Variants in UNC93B1 observed in about 807,000 individuals in gnomAD.
UNC93B1 encodes unc-93B1 regulator of TLR signaling, also known as protein unc-93 homolog B1.
In UNC93B1, 33 loss-of-function variants were observed where a neutral mutation model predicts 56.8. The ratio of observed to expected loss-of-function variants is 0.58; its 90% confidence interval spans 0.44 to 0.78. UNC93B1 has a LOEUF of 0.78. Ranked by LOEUF, UNC93B1 falls within the 30% of genes least tolerant of loss-of-function variation. The pLI, the probability that UNC93B1 is intolerant of heterozygous loss-of-function variation, is 0.00. For synonymous variants in UNC93B1, 334 were observed against 358.6 expected (o/e 0.93, Z 0.77); for missense variants, 673 against 819.5 (o/e 0.82, Z 2.18).
Position 67,998,244 on chromosome 11 carries a change from C to T in UNC93B1, c.781+115G>A, listed in dbSNP as rs1007155665. On this transcript the variant is annotated intron_variant, in intron 6 of 10. Coordinates refer to ENST00000227471, the MANE Select transcript of UNC93B1 (RefSeq NM_030930.4). ...CTACAGGGCCCTGTGTCTTGCCCAC[C>T]AGAGCCGTGGGGCACTGGGCTGCCA... 3.4e-5 allele frequency: 42 copies of T among 1,248,048 alleles called. 3 individuals carry two copies. In the African/African-American group the frequency reaches 4.6e-4, roughly 14 times the overall value. The allele number at this position is 1,248,048 out of a possible 1,614,324, so 77.3% of individuals were successfully genotyped here. A position where few individuals can be genotyped will look rare whatever the true frequency, so the allele number is the denominator to read the frequency against.
chr11:68,003,620 C>G lies in UNC93B1; in HGVS notation c.238+37G>C, dbSNP rs1590764533. 5.3e-6 allele frequency: 8 copies of G among 1,496,834 alleles called. 1 individual carries two copies. In the East Asian group the frequency reaches 2.2e-4, roughly 41 times the overall value. 92.7% of individuals were successfully genotyped at this position (1,496,834 alleles called of 1,614,324 possible). A position where few individuals can be genotyped will look rare whatever the true frequency, so the allele number is the denominator to read the frequency against. Reference sequence around the variant, plus strand: ...TCTGTTTCCCGGGCCGGGCTGGGAGCGGGCGGGGCGGCCCCGGGTCCCCGA... The same window carrying G: ...TCTGTTTCCCGGGCCGGGCTGGGAGGGGGCGGGGCGGCCCCGGGTCCCCGA... On this transcript the variant is annotated intron_variant, in intron 2 of 10. Coordinates refer to ENST00000227471, the MANE Select transcript of UNC93B1 (RefSeq NM_030930.4). This position sits in a 1 kb window ranked among gnomAD's most constrained non-coding sequence, Gnocchi z 4.4.
intron 10 of UNC93B1, among the ~76,000 whole-genome samples, chr11:67,992,670 T>G (rs1406846368): frequency 6.7e-6 from 1 of 148,858 alleles, no homozygotes; most frequent in Non-Finnish European, 1.5e-5. Context: ...TTTTTCCTTT[T>G]TTTTTTTTTT....
At chr11:68,002,928 A>T (rs541854589) in intron 3 of UNC93B1, 94 bp downstream of exon 3, 3 of 1,448,764 alleles carry the variant, frequency 2.1e-6, no homozygotes, top group East Asian at 2.8e-5. Context: ...CGCCCCACAA[A>T]CACCCCGGCA....
At position 67,997,741 on chromosome 11, in the gene UNC93B1, C is replaced by T; in HGVS notation, c.840G>A (p.Pro280=). 1 of 1,610,014 alleles carries T rather than the reference C, an allele frequency of 6.2e-7. No homozygotes were observed. The highest frequency in any genetic ancestry group is 8.5e-7 in the Non-Finnish European group (1 of 1,179,858). The change falls in exon 7 of 11, where the codon CCG becomes CCA. Residue 280 remains proline (P), a synonymous_variant. Transcript: ENST00000227471. The stretch of plus-strand genomic sequence containing the variant: ...CCACCACAATGAGGTTTCCGCTCCG[C>T]GGGAGCGTCCGCAGAACCGTCTTGT... ...GFNKTVLRTL[P]RSGNLIVVES...
chr11:67,999,102 T>A, intron 5 of UNC93B1, 71 bp downstream of exon 5: 3 of 1,596,856 alleles, frequency 1.9e-6, no homozygotes. Context: ...GACTAGAGGG[T>A]TGAGACTGTG....
chr11:67,995,827 T>C lies in UNC93B1; in HGVS notation c.1147A>G (p.Ser383Gly), dbSNP rs1444575380. Reference sequence around the variant, plus strand: ...AGTGAGGCGGCTGAGGCGCCCAGGCTGTAAGCCACGAGGAGGTAAGCCAGC... The same window carrying C: ...AGTGAGGCGGCTGAGGCGCCCAGGCCGTAAGCCACGAGGAGGTAAGCCAGC... ...ERLAYLLVAY[S>G]LGASAASLLG... is the part of the protein sequence containing the mutation. Residue 383 changes from serine to glycine, a missense_variant, in exon 9 of 11, where the codon AGC (serine) becomes GGC (glycine). Ser to Gly is a moderately conservative substitution (Grantham distance 56). Around this residue, in one of 3 missense-constraint regions of UNC93B1, gnomAD observed 155 missense variants for 268.3 expected, o/e 0.58. Coordinates refer to ENST00000227471, the MANE Select transcript of UNC93B1 (RefSeq NM_030930.4). 6.5e-7 allele frequency: 1 copy of C among 1,544,366 alleles called. No homozygotes were observed. Among genetic ancestry groups the C allele is most frequent in the Admixed American group, 2.0e-5 (1 of 50,832 alleles).
chr11:67,998,240 C>T, intron 6 of UNC93B1, 119 bp downstream of exon 6: 1 of 1,192,342 alleles, frequency 8.4e-7, no homozygotes, highest in Non-Finnish European at 1.2e-6. Context: ...TGTGTCTTGC[C>T]CACCAGAGCC....
rs758434326 is a variant in UNC93B1 at position 67,998,369 on chromosome 11, C to T, written c.771G>A (p.Val257=). Residue 257 remains valine, a synonymous_variant, in exon 6 of 11, where the codon GTG becomes GTA. Coordinates refer to ENST00000227471, the MANE Select transcript of UNC93B1 (RefSeq NM_030930.4). ...CCAACAAGGACTAACCGCAGCTCTG[C>T]ACATTGTACAGCGTGTGGTTCAGGT... ...LYDLNHTLYN[V]QSCGTNSHGI... The T allele has an allele frequency of 2.4e-5, 39 of 1,613,846 alleles. No individual in the cohort carries two copies. In the South Asian group the frequency reaches 3.8e-4, roughly 16 times the overall value.
chr11:67,997,933 T>A (rs545846894), intron 6 of UNC93B1, 134 bp from the exon 7 acceptor site: 1 of 1,356,838 alleles, frequency 7.4e-7, no homozygotes, highest in East Asian at 2.5e-5. Flanking sequence ...CAGAGTTCCT[T>A]CAGAGAGCAG....
Position 67,999,195 on chromosome 11 carries a change from G to C in UNC93B1, c.665C>G (p.Ala222Gly), listed in dbSNP as rs751449631. 30 of 1,613,840 alleles carry C rather than the reference G, an allele frequency of 1.9e-5. No homozygotes were observed. The highest frequency in any genetic ancestry group is 2.5e-5 in the Non-Finnish European group (30 of 1,179,898). ...SHAPYLLVFQ[A>G]IFYSFFHLSF... ...CACATGGAAGAAGCTGTAGAAGATG[G>C]CTTGGAAGACCAGGAGATAGGGCGC... The change falls in exon 5 of 11, where the codon GCC (alanine) becomes GGC (glycine). Residue 222 changes from alanine (A) to glycine (G), a missense_variant. By Grantham distance (60) the Ala-to-Gly change is moderately conservative. Transcript: ENST00000227471.
chr11:67,996,776 A>C lies in UNC93B1; in HGVS notation c.915T>G (p.Gly305=). The C allele has an allele frequency of 1.3e-6, 2 of 1,553,958 alleles. No individual in the cohort carries two copies. Among genetic ancestry groups the C allele is most frequent in the Non-Finnish European group, 1.7e-6 (2 of 1,146,812 alleles). ...VAFLAMLLVL[G]LCGAAYRPTE... ...TGGGCCGGTAAGCGGCTCCGCACAA[A>C]CCCAGCACCTGCGAACCCATTACTT... is the stretch of plus-strand genomic sequence containing the variant. Residue 305 remains glycine (G), a synonymous_variant, in exon 8 of 11, where the codon GGT becomes GGG. Transcript: ENST00000227471.
chr11:67,993,281 G>A (rs970829733), intron 10 of UNC93B1, among the ~76,000 whole-genome samples: 4 of 152,244 alleles, frequency 2.6e-5, no homozygotes, highest in African/African-American at 4.8e-5. Flanking sequence ...GAGCCACCGC[G>A]CCCGGCCTTT....
rs1412078259 is a variant in UNC93B1, at chr11:67,997,949, AGGTTTGGACCACTGGGGCTG to A, written c.782-170_782-151del. ...AGAGTTCCTTCAGAGAGCAGTTTGG[AGGTTTGGACCACTGGGGCTG>A]GGTTTGGACCACTGGGGCTGGGTGT... On this transcript the variant is annotated intron_variant, in intron 6 of 10. Transcript: ENST00000227471. 2.5e-5 allele frequency: 31 copies of A among 1,255,038 alleles called. No individual in the cohort carries two copies. In the Admixed American group the frequency reaches 3.4e-4, roughly 14 times the overall value. 77.7% of individuals were successfully genotyped at this position (1,255,038 alleles called of 1,614,324 possible).
chr11:67,999,220 C>T lies in UNC93B1; in HGVS notation c.640G>A (p.Ala214Thr), dbSNP rs1304010328. 25 of 1,613,266 alleles carry T rather than the reference C, an allele frequency of 1.5e-5. No homozygotes were observed. Among genetic ancestry groups the T allele is most frequent in the Admixed American group, 1.3e-4 (8 of 59,996 alleles). Residue 214 changes from alanine (A) to threonine (T), a missense_variant, in exon 5 of 11, where the codon GCG becomes ACG. Physicochemically the swap from Ala to Thr is moderately conservative, Grantham distance 58 (BLOSUM62 0). Coordinates refer to ENST00000227471, the MANE Select transcript of UNC93B1 (RefSeq NM_030930.4). ...MKQRPPRGSH[A>T]PYLLVFQAIF... ...GCTTGGAAGACCAGGAGATAGGGCGCGTGGGAGCCCCGCGGAGGCCGCTGC... is the reference window on the plus strand; with the variant it reads ...GCTTGGAAGACCAGGAGATAGGGCGTGTGGGAGCCCCGCGGAGGCCGCTGC...
At chr11:67,996,580 A>G in intron 8 of UNC93B1, 22 bp downstream of exon 8, 1 of 1,503,408 alleles carries the variant, frequency 6.7e-7, no homozygotes, top group Non-Finnish European at 8.9e-7. Context: ...TTGTCGGGCA[A>G]TCCTTTGCAG....
At chr11:68,001,634 G>T (rs908263159) in intron 3 of UNC93B1, among the ~76,000 whole-genome samples, 1 of 151,780 alleles carries the variant, frequency 6.6e-6, no homozygotes, top group Non-Finnish European at 1.5e-5. Context: ...TAACCTGGGT[G>T]ACAGAGTGAG....
At position 67,995,888 on chromosome 11, in the gene UNC93B1, C is replaced by T. The variant is rs1326013276; in HGVS notation, c.1090-4G>A. On this transcript the variant is annotated splice_polypyrimidine_tract_variant and splice_region_variant and intron_variant, in intron 8 of 10. Coordinates refer to ENST00000227471, the MANE Select transcript of UNC93B1 (RefSeq NM_030930.4). Reference sequence around the variant, plus strand: ...CCACCGAGCACACGCCATAGCCCTGCGGGGGGACAAGGGGTGAGTGTTGAA... The same window carrying T: ...CCACCGAGCACACGCCATAGCCCTGTGGGGGGACAAGGGGTGAGTGTTGAA... 16 of 1,497,712 alleles carry T rather than the reference C, an allele frequency of 1.1e-5. No homozygotes were observed. Among genetic ancestry groups the T allele is most frequent in the East Asian group, 9.9e-5 (4 of 40,552 alleles). 92.8% of individuals were successfully genotyped at this position (1,497,712 alleles called of 1,614,324 possible).
In UNC93B1 at chr11:67,991,194, A is replaced by C. The variant is rs1856832082; in HGVS notation, c.*352T>G. The C allele has an allele frequency of 4.1e-6, 1 of 246,744 alleles. No homozygotes were observed. Among genetic ancestry groups the C allele is most frequent in the Non-Finnish European group, 7.7e-6 (1 of 129,654 alleles). The allele number at this position is 246,744 out of a possible 1,614,324, so 15.3% of individuals were successfully genotyped here. ...GATAGGAGGTGCAAAGTGCGCTCAC[A>C]CGCGGCCCGGGTCCGCGGCCGAGAG... On this transcript the variant is annotated 3_prime_UTR_variant, in exon 11 of 11. Coordinates refer to ENST00000227471, the MANE Select transcript of UNC93B1 (RefSeq NM_030930.4).
rs1277845908 is a variant in UNC93B1 at position 68,003,966 on chromosome 11, C to G, written c.78G>C (p.Pro26=). The change falls in exon 1 of 11, where the codon CCG becomes CCC. Residue 26 remains proline (P), a synonymous_variant. Transcript: ENST00000227471. This position sits in a 1 kb window ranked among gnomAD's most constrained non-coding sequence, Gnocchi z 4.4. ...PQGDEDLLGV[P]DGPEAPLDEL... ...CGCTCACCGGGGCCTCGGGCCCGTC[C>G]GGGACCCCGAGCAGGTCCTCGTCGC... 1.4e-6 allele frequency: 2 copies of G among 1,396,494 alleles called. No individual in the cohort carries two copies. Among genetic ancestry groups the G allele is most frequent in the African/African-American group, 3.0e-5 (2 of 67,046 alleles). The allele number at this position is 1,396,494 out of a possible 1,614,324, so 86.5% of individuals were successfully genotyped here. A position where few individuals can be genotyped will look rare whatever the true frequency, so the allele number is the denominator to read the frequency against.
Sources: gnomAD v4.1 joint callset for allele counts (sites outside exome capture counted in the v4.1 genomes callset) on GRCh38, gnomAD v4.1.1 for gene constraint, gnomAD v4.1.1 regional missense constraint, Gnocchi (gnomAD v3.1) non-coding constraint, MANE v1.5 for transcripts, NCBI Gene and HGNC (gene_info 2026-07-23, HGNC 2026-07-21) for gene names.